AFF2: variants seen among roughly 807,000 people sequenced by gnomAD.
The protein encoded by AFF2 is AF4/FMR2 family member 2.
In AFF2, 14 loss-of-function variants were observed where a neutral mutation model predicts 76.9. The observed-to-expected ratio is 0.18, with a 90% CI of 0.12 to 0.28. AFF2 has a LOEUF of 0.28. AFF2 is among the 10% of genes least tolerant of loss of function. AFF2 has a pLI of 1.00. For synonymous variants in AFF2, 398 were observed against 366.7 expected, an observed-to-expected ratio of 1.09 and a Z score of -0.98; for missense variants, 868 against 1,001.1, an observed-to-expected ratio of 0.87 and a Z score of 1.79.
rs145909336 is a variant in AFF2, at chrX:148,981,398, T to C, written c.3623+608T>C. On this transcript the variant is annotated intron_variant, in intron 19 of 20. Transcript: ENST00000370460. ...CAGTGGAGTAGGGGCCCAAAAACCG[T>C]TGACCTGGTGCTGAAGCTGCCCTTG... Among the ~76,000 whole-genome samples the C allele has an allele frequency of 3.6e-5, 4 of 110,877 alleles. No homozygotes were observed. In the East Asian group the frequency reaches 8.6e-4, roughly 24 times the overall value.
At chrX:148,888,005 A>G (rs1557279290) in intron 8 of AFF2, among the ~76,000 whole-genome samples, 1 of 112,494 alleles carries the variant, frequency 8.9e-6, no homozygotes, top group Non-Finnish European at 1.9e-5. Flanking sequence ...GTAAAAGTAA[A>G]TGGGTTGAAA....
At chrX:148,921,744 G>A (rs1325923304) in intron 9 of AFF2, among the ~76,000 whole-genome samples, 2 of 112,441 alleles carry the variant, frequency 1.8e-5, no homozygotes, top group Non-Finnish European at 3.8e-5. Flanking sequence ...TGATGCTTAA[G>A]ATAAAATGAC....
In AFF2 at chrX:148,849,380, C is replaced by T. The variant is rs1246408437; in HGVS notation, c.1262+5947C>T. 6.8e-4 allele frequency among the ~76,000 whole-genome samples: 24 copies of T among 35,193 alleles called. 2 individuals are homozygous for T. The highest frequency in any genetic ancestry group is 1.2e-3 in the Non-Finnish European group (20 of 17,189). The allele number at this position is 35,193 out of a possible 115,157, so 30.6% of individuals were successfully genotyped here. A position where few individuals can be genotyped will look rare whatever the true frequency, so the allele number is the denominator to read the frequency against. On this transcript the variant is annotated intron_variant, in intron 7 of 20. Transcript: ENST00000370460. Reference sequence around the variant, plus strand: ...TCTCTCTCTCCTCCCCCCCCCCCCCCCCCCCCGCTGACCACCCCTCTCTCT... The same window carrying T: ...TCTCTCTCTCCTCCCCCCCCCCCCCTCCCCCCGCTGACCACCCCTCTCTCT...
In AFF2 at chrX:148,987,567, T is replaced by G. The variant is rs781906977; in HGVS notation, c.3814+10T>G. On this transcript the variant is annotated intron_variant, in intron 20 of 20. Transcript: ENST00000370460. ...ACAAGAGAAAACAAAGGTATGCTCA[T>G]CTGTTCTACCCATATAGCTCACAGA... 14 of 1,198,582 alleles carry G rather than the reference T, an allele frequency of 1.2e-5. No homozygotes were observed. In the Admixed American group the frequency reaches 3.1e-4, roughly 26 times the overall value.
chrX:148,929,746 A>C (rs2071691247), intron 9 of AFF2, among the ~76,000 whole-genome samples: 1 of 111,843 alleles, frequency 8.9e-6, no homozygotes, highest in Non-Finnish European at 1.9e-5. Context: ...GCTTATAAAA[A>C]CCAAAGATGG....
intron 7 of AFF2, among the ~76,000 whole-genome samples, chrX:148,864,605 T>G (rs1333240548): frequency 1.8e-5 from 2 of 112,441 alleles, no homozygotes; most frequent in African/African-American, 6.5e-5. Context: ...TCAGGCTAGC[T>G]AATGGCTAGA....
At chrX:148,750,966 T>C (rs1158072980) in intron 3 of AFF2, among the ~76,000 whole-genome samples, 2 of 112,001 alleles carry the variant, frequency 1.8e-5, no homozygotes, top group Non-Finnish European at 3.8e-5. Context: ...CATATATCAT[T>C]CTGCCTCAAT....
chrX:148,922,296 A>G lies in AFF2; in HGVS notation c.1397+18038A>G, dbSNP rs186330384. 7.1e-5 allele frequency among the ~76,000 whole-genome samples: 8 copies of G among 112,173 alleles called. No homozygotes were observed. The East Asian group carries it at 2.0e-3, about 27-fold the overall frequency. ...AGTGAACACAGAGAGCACCATCCCTAGAGTCAGGGGAAGGAGCATAAATTA... is the reference window on the plus strand; with the variant it reads ...AGTGAACACAGAGAGCACCATCCCTGGAGTCAGGGGAAGGAGCATAAATTA... On this transcript the variant is annotated intron_variant, in intron 9 of 20. Coordinates refer to ENST00000370460, the MANE Select transcript of AFF2 (RefSeq NM_002025.4).
chrX:148,749,853 C>A (rs782611280), intron 3 of AFF2, among the ~76,000 whole-genome samples: 1 of 111,589 alleles, frequency 9.0e-6, no homozygotes, highest in Non-Finnish European at 1.9e-5. Flanking sequence ...GACATTTGAG[C>A]AAAAAGTATT....
At chrX:148,728,146 A>G (rs1231427381) in intron 3 of AFF2, among the ~76,000 whole-genome samples, 6 of 112,578 alleles carry the variant, frequency 5.3e-5, no homozygotes, top group Non-Finnish European at 1.1e-4. Flanking sequence ...CTGCTGCCAC[A>G]GCGTCATCGG....
intron 10 of AFF2, among the ~76,000 whole-genome samples, chrX:148,954,025 AATAGACTAG>A (rs2072003549): frequency 8.9e-6 from 1 of 112,201 alleles, no homozygotes; most frequent in Admixed American, 9.4e-5. Context: ...CATAGTAATG[AATAGACTAG>A]CAGCTTGTCT....
Position 148,892,573 on chromosome X carries a change from G to A in AFF2, c.1359+6588G>A, listed in dbSNP as rs782020013. ...GACCCAAACATTCTGTCAGCTTTGG[G>A]ATGTGTTCCTGATACCTGTGATGCA... On this transcript the variant is annotated intron_variant, in intron 8 of 20. Coordinates refer to ENST00000370460, the MANE Select transcript of AFF2 (RefSeq NM_002025.4). Among the ~76,000 whole-genome samples the A allele has an allele frequency of 1.3e-4, 14 of 111,031 alleles. 1 individual carries two copies. In the South Asian group the frequency reaches 4.3e-3, roughly 34 times the overall value.
At chrX:148,962,524 T>C (rs781817936) in intron 12 of AFF2, among the ~76,000 whole-genome samples, 191 bp from the exon 13 acceptor site, 1 of 112,233 alleles carries the variant, frequency 8.9e-6, no homozygotes, top group Non-Finnish European at 1.9e-5. Flanking sequence ...TCTATATTTA[T>C]ATAGAGAGAT....
intron 1 of AFF2, among the ~76,000 whole-genome samples, chrX:148,581,448 G>A (rs1327710520): frequency 1.4e-4 from 7 of 49,502 alleles, no homozygotes; most frequent in African/African-American, 6.0e-4. Flanking sequence ...ACATATATAC[G>A]TATACGTCTA....
At chrX:148,583,342 T>A (rs782520184) in intron 1 of AFF2, among the ~76,000 whole-genome samples, 52 of 111,919 alleles carry the variant, frequency 4.6e-4, no homozygotes, top group Middle Eastern at 4.6e-3. Flanking sequence ...AATCAATTAT[T>A]ATTGTGGTGG....
intron 9 of AFF2, among the ~76,000 whole-genome samples, chrX:148,913,943 A>G (rs1207600392): frequency 8.9e-6 from 1 of 112,484 alleles, no homozygotes; most frequent in Non-Finnish European, 1.9e-5. Context: ...TGCTCTTTTA[A>G]CAAACAATAA....
chrX:148,570,922 T>C (rs2053222225), intron 1 of AFF2, among the ~76,000 whole-genome samples: 1 of 111,070 alleles, frequency 9.0e-6, no homozygotes, highest in Admixed American at 9.6e-5. Context: ...ATGTCCCCTT[T>C]TTATAAGGAT....
intron 3 of AFF2, among the ~76,000 whole-genome samples, chrX:148,786,574 G>T (rs1557269525): frequency 9.0e-6 from 1 of 111,328 alleles, no homozygotes; most frequent in African/African-American, 3.3e-5. Flanking sequence ...TTCCCTCTAT[G>T]CGTATCTTTG....
chrX:148,662,116 C>T lies in AFF2; in HGVS notation c.389C>T (p.Thr130Ile). The change falls in exon 3 of 21, where the codon ACC becomes ATC. Residue 130 changes from threonine to isoleucine, a missense_variant. Thr to Ile is a moderately conservative substitution (Grantham distance 89, BLOSUM62 -1). Transcript: ENST00000370460. ...NRIIPPHQDNTHPSAPMPPPS... is the reference protein window; with the variant it reads ...NRIIPPHQDNIHPSAPMPPPS... ...ATAATTCCACCTCACCAGGATAATA[C>T]CCATCCTTCAGCACCAATGCCTCCA... The T allele has an allele frequency of 8.3e-7, 1 of 1,206,614 alleles. No individual in the cohort carries two copies. The highest frequency in any genetic ancestry group is 1.1e-6 in the Non-Finnish European group (1 of 890,812).
Sources: allele counts gnomAD v4.1 joint callset (sites outside exome capture counted in the v4.1 genomes callset), GRCh38; gene constraint gnomAD v4.1.1; transcripts MANE v1.5; gene names NCBI Gene and HGNC (gene_info 2026-07-23, HGNC 2026-07-21).